Variants in PUS7 observed in about 807,000 individuals in gnomAD.
The protein encoded by PUS7 is pseudouridine synthase 7, also known as pseudouridylate synthase 7 homolog.
In PUS7, 48 loss-of-function variants were observed where a neutral mutation model predicts 79.8. The observed-to-expected ratio is 0.60, with a 90% CI of 0.48 to 0.76. The LOEUF is 0.76. Among genes scored for constraint, PUS7 ranks in the 30% least tolerant of loss-of-function variants. PUS7 has a pLI of 0.00. For missense variants in PUS7, 729 were observed against 797.6 expected (o/e 0.91, Z 1.04); for synonymous variants, 286 against 272.2 (o/e 1.05, Z -0.50).
intron 5 of PUS7, chr7:105,497,114 G>T: frequency 2.5e-6 from 1 of 405,066 alleles, no homozygotes; most frequent in Non-Finnish European, 3.5e-6. Flanking sequence ...TATGCGGTGG[G>T]TTAACAGCCA....
At chr7:105,520,231 G>A (rs558529373) in intron 1 of PUS7, among the ~76,000 whole-genome samples, 3 of 152,074 alleles carry the variant, frequency 2.0e-5, no homozygotes, top group Admixed American at 6.6e-5. Flanking sequence ...AGGCAGAGGC[G>A]GGCAGATCAT....
intron 9 of PUS7, among the ~76,000 whole-genome samples, chr7:105,473,735 G>A (rs1284341099): frequency 6.6e-6 from 1 of 151,996 alleles, no homozygotes; most frequent in African/African-American, 2.4e-5. Context: ...TGTATTTTTA[G>A]TAGAGACGAG....
At chr7:105,472,823 G>A (rs991884691) in intron 9 of PUS7, among the ~76,000 whole-genome samples, 3 of 151,340 alleles carry the variant, frequency 2.0e-5, no homozygotes, top group Non-Finnish European at 4.4e-5. Context: ...ATGCGATCTC[G>A]GCTCACTGCA....
intron 2 of PUS7, among the ~76,000 whole-genome samples, chr7:105,507,525 C>A (rs186084992): frequency 5.9e-5 from 9 of 151,886 alleles, no homozygotes; most frequent in African/African-American, 1.2e-4. Context: ...AATCTGAAAC[C>A]ATTTAAATGA....
rs189318834 is a variant in PUS7, at chr7:105,481,856, G to C, written c.1049+456C>G. Among the ~76,000 whole-genome samples, 335 of 151,758 alleles carry C rather than the reference G, an allele frequency of 2.2e-3. 1 individual carries two copies. Among genetic ancestry groups the C allele is most frequent in the African/African-American group, 7.7e-3 (320 of 41,376 alleles). Reference sequence around the variant, plus strand: ...CGCCATTCTCCTGCCTCAGCCTCCTGAGTAGCTGGGACTACAGGTGTCTGC... The same window carrying C: ...CGCCATTCTCCTGCCTCAGCCTCCTCAGTAGCTGGGACTACAGGTGTCTGC... On this transcript the variant is annotated intron_variant, in intron 8 of 15. Transcript: ENST00000469408.
intron 12 of PUS7, among the ~76,000 whole-genome samples, chr7:105,466,841 A>G (rs1250677858): frequency 2.0e-5 from 3 of 152,056 alleles, no homozygotes; most frequent in African/African-American, 7.2e-5. Context: ...TGTGACCAAC[A>G]TGGCATGAGG....
At chr7:105,510,459 C>CT in intron 1 of PUS7, among the ~76,000 whole-genome samples, 1 of 152,104 alleles carries the variant, frequency 6.6e-6, no homozygotes, top group East Asian at 1.9e-4. Flanking sequence ...TAGTGATTGC[C>CT]TAACAATGTG....
chr7:105,477,273 A>C (rs1824151927), intron 9 of PUS7, among the ~76,000 whole-genome samples: 1 of 151,636 alleles, frequency 6.6e-6, no homozygotes, highest in African/African-American at 2.4e-5. Flanking sequence ...TTTTTGAGAC[A>C]GTTTCACTCT....
At chr7:105,513,079 G>A (rs1825760842) in intron 1 of PUS7, among the ~76,000 whole-genome samples, 1 of 152,174 alleles carries the variant, frequency 6.6e-6, no homozygotes, top group Non-Finnish European at 1.5e-5. Flanking sequence ...GTCCTGTGGT[G>A]TTGCAGGTTC....
At chr7:105,499,230 T>C (rs2133213012) in intron 5 of PUS7, among the ~76,000 whole-genome samples, 1 of 152,316 alleles carries the variant, frequency 6.6e-6, no homozygotes, top group South Asian at 2.1e-4. Flanking sequence ...GCCACAGGAA[T>C]GGAAGCAATG....
intron 4 of PUS7, among the ~76,000 whole-genome samples, chr7:105,505,367 A>G (rs1034695160): frequency 6.6e-6 from 1 of 152,168 alleles, no homozygotes; most frequent in African/African-American, 2.4e-5. Flanking sequence ...TTTCTTCAAT[A>G]GCAGAATTGA....
At chr7:105,464,717 G>A (rs1182840887) in intron 13 of PUS7, among the ~76,000 whole-genome samples, 1 of 151,934 alleles carries the variant, frequency 6.6e-6, no homozygotes, top group Non-Finnish European at 1.5e-5. Flanking sequence ...CCATTCTGCT[G>A]GCTTTCCCAG....
chr7:105,475,703 T>C (rs1233305949), intron 9 of PUS7, among the ~76,000 whole-genome samples: 2 of 152,148 alleles, frequency 1.3e-5, no homozygotes, highest in Admixed American at 1.3e-4. Flanking sequence ...TGTAATAACA[T>C]TTACCTTTTT....
intron 6 of PUS7, among the ~76,000 whole-genome samples, chr7:105,494,402 A>ATTTTTTAT (rs1824917187): frequency 1.1e-5 from 1 of 87,800 alleles, no homozygotes; most frequent in African/African-American, 4.1e-5. Flanking sequence ...ATGATCAGTG[A>ATTTTTTAT]TTTTTTTTTT....
chr7:105,498,874 G>A (rs1247771520), intron 5 of PUS7, among the ~76,000 whole-genome samples: 1 of 152,118 alleles, frequency 6.6e-6, no homozygotes, highest in African/African-American at 2.4e-5. Flanking sequence ...TGATCTGCCC[G>A]CCTCGGCCTC....
intron 1 of PUS7, among the ~76,000 whole-genome samples, chr7:105,518,464 G>A (rs897636549): frequency 3.3e-5 from 5 of 151,514 alleles, no homozygotes; most frequent in Non-Finnish European, 7.4e-5. Context: ...GTGCAGTGGC[G>A]TGATCTCAGT....
chr7:105,473,408 C>T (rs976328431), intron 9 of PUS7, among the ~76,000 whole-genome samples: 3 of 149,570 alleles, frequency 2.0e-5, no homozygotes, highest in Non-Finnish European at 4.4e-5. Context: ...GTCAGCATGC[C>T]TGCCTAATTT....
At chr7:105,475,408 A>T (rs1298382026) in intron 9 of PUS7, among the ~76,000 whole-genome samples, 1 of 151,754 alleles carries the variant, frequency 6.6e-6, no homozygotes, top group African/African-American at 2.4e-5. Context: ...GATGGTCTCG[A>T]TCTCCTGACC....
chr7:105,486,875 C>A (rs1423893667), intron 7 of PUS7, among the ~76,000 whole-genome samples: 1 of 151,830 alleles, frequency 6.6e-6, no homozygotes, highest in Admixed American at 6.6e-5. Flanking sequence ...GCCTGGCCAT[C>A]CTGGTGAAAC....
Sources: gnomAD v4.1 joint callset for allele counts (sites outside exome capture counted in the v4.1 genomes callset) on GRCh38, gnomAD v4.1.1 for gene constraint, MANE v1.5 for transcripts, NCBI Gene and HGNC (gene_info 2026-07-23, HGNC 2026-07-21) for gene names.